Variants in PID1 observed in about 807,000 individuals in gnomAD.
PID1 encodes the protein PTB-containing, cubilin and LRP1-interacting protein.
In PID1, 10 loss-of-function variants were observed where a neutral mutation model predicts 19.1. The ratio of observed to expected loss-of-function variants is 0.52; its 90% CI spans 0.32 to 0.89. PID1 has a LOEUF of 0.89. Among genes scored for constraint, PID1 ranks in the 40% least tolerant of loss-of-function variants. The probability of loss-of-function intolerance (pLI) is 0.03; values close to 1 mark genes in which losing one functional copy is unlikely to be tolerated. For missense variants in PID1, 248 were observed against 285.3 expected (o/e 0.87, Z 0.94); for synonymous variants, 130 against 116.0 (o/e 1.12, Z -0.78).
intron 2 of PID1, among the ~76,000 whole-genome samples, chr2:229,036,806 C>T (rs1304296464): frequency 1.3e-5 from 2 of 152,186 alleles, no homozygotes; most frequent in Non-Finnish European, 2.9e-5. Flanking sequence ...TGTCCCATGG[C>T]TAGACTGGGA....
At chr2:229,269,643 C>A (rs552522913) in intron 1 of PID1, among the ~76,000 whole-genome samples, 4 of 152,324 alleles carry the variant, frequency 2.6e-5, no homozygotes, top group Admixed American at 6.5e-5. Flanking sequence ...ACTTCAAATG[C>A]GCCACTGGTA....
intron 2 of PID1, among the ~76,000 whole-genome samples, chr2:229,132,829 T>C (rs930818982): frequency 6.6e-6 from 1 of 152,232 alleles, no homozygotes; most frequent in South Asian, 2.1e-4. Context: ...ATGTATGCAC[T>C]GCACTGTAGA....
At chr2:229,125,029 A>G (rs979680217) in intron 2 of PID1, among the ~76,000 whole-genome samples, 1 of 152,182 alleles carries the variant, frequency 6.6e-6, no homozygotes, top group South Asian at 2.1e-4. Flanking sequence ...AATGTGTATG[A>G]CTATTTACCA....
intron 2 of PID1, among the ~76,000 whole-genome samples, chr2:229,030,774 T>A (rs540321585): frequency 1.2e-4 from 19 of 152,320 alleles, no homozygotes; most frequent in Middle Eastern, 3.4e-3. Flanking sequence ...TTTATAAATA[T>A]GTATTACCTA....
intron 1 of PID1, among the ~76,000 whole-genome samples, chr2:229,252,455 C>A (rs1316270443): frequency 6.6e-6 from 1 of 152,086 alleles, no homozygotes; most frequent in Non-Finnish European, 1.5e-5. Flanking sequence ...ACATCCTTTC[C>A]AGTGCAGAGC....
chr2:229,138,654 C>A (rs901045399), intron 2 of PID1, among the ~76,000 whole-genome samples: 1 of 152,016 alleles, frequency 6.6e-6, no homozygotes, highest in Non-Finnish European at 1.5e-5. Flanking sequence ...TCTTCATTCC[C>A]AACATATCTG....
intron 2 of PID1, among the ~76,000 whole-genome samples, chr2:229,095,950 A>G (rs1298971041): frequency 6.6e-6 from 1 of 152,178 alleles, no homozygotes; most frequent in East Asian, 1.9e-4. Flanking sequence ...CTTTGCACCA[A>G]TGCAGGAGAA....
chr2:229,026,695 A>G (rs1025064018), intron 2 of PID1, among the ~76,000 whole-genome samples: 2 of 152,228 alleles, frequency 1.3e-5, no homozygotes, highest in Non-Finnish European at 2.9e-5. Flanking sequence ...TTTTAAAAAT[A>G]ACAGCAGTGC....
rs1395993998 is a variant in PID1 at position 229,025,435 on chromosome 2, C to G, written c.*197G>C. On this transcript the variant is annotated 3_prime_UTR_variant, in exon 3 of 3. Coordinates refer to ENST00000392055, the MANE Select transcript of PID1 (RefSeq NM_001100818.2). ...ACTCCCACCCTCCTCACAGTCACAG[C>G]AGCAGCAGGTTTCAATGTAACGTAA... 1 of 584,732 alleles carries G rather than the reference C, an allele frequency of 1.7e-6. No homozygotes were observed. The highest frequency in any genetic ancestry group is 3.0e-6 in the Non-Finnish European group (1 of 328,048). The allele number at this position is 584,732 out of a possible 1,614,324, so 36.2% of individuals were successfully genotyped here.
At chr2:229,223,669 T>G (rs1331853725) in intron 1 of PID1, among the ~76,000 whole-genome samples, 1 of 152,262 alleles carries the variant, frequency 6.6e-6, no homozygotes, top group East Asian at 1.9e-4. Context: ...GCTACAACAC[T>G]GTCTGCCATG....
At chr2:229,064,851 T>G (rs1311648912) in intron 2 of PID1, among the ~76,000 whole-genome samples, 1 of 152,116 alleles carries the variant, frequency 6.6e-6, no homozygotes, top group African/African-American at 2.4e-5. Flanking sequence ...CGGATGCTGA[T>G]GCCAAAGAGA....
intron 2 of PID1, among the ~76,000 whole-genome samples, chr2:229,120,380 C>A (rs1695492497): frequency 6.6e-6 from 1 of 151,948 alleles, no homozygotes; most frequent in Non-Finnish European, 1.5e-5. Flanking sequence ...ATTAAAAAAT[C>A]ATAAGGAAGA....
At chr2:229,181,819 C>CT (rs1690952577) in intron 1 of PID1, among the ~76,000 whole-genome samples, 1 of 152,206 alleles carries the variant, frequency 6.6e-6, no homozygotes, top group Admixed American at 6.5e-5. Flanking sequence ...GAACAGATTA[C>CT]TTTTTTGTAA....
intron 2 of PID1, among the ~76,000 whole-genome samples, chr2:229,033,172 T>G (rs1693591579): frequency 6.6e-6 from 1 of 152,154 alleles, no homozygotes. Context: ...CACCTCACGC[T>G]AGACTGGAGA....
At chr2:229,098,084 C>G (rs545937915) in intron 2 of PID1, among the ~76,000 whole-genome samples, 11 of 152,178 alleles carry the variant, frequency 7.2e-5, no homozygotes, top group Admixed American at 3.3e-4. Flanking sequence ...GAGCCTATGC[C>G]ATAGAGCATT....
At chr2:229,160,441 C>T (rs1454258309) in intron 1 of PID1, among the ~76,000 whole-genome samples, 14 of 152,156 alleles carry the variant, frequency 9.2e-5, no homozygotes, top group Non-Finnish European at 1.5e-5. Context: ...TATTGTGCAA[C>T]CTCAGCTACC....
At chr2:229,080,360 A>G (rs1384147637) in intron 2 of PID1, among the ~76,000 whole-genome samples, 3 of 151,948 alleles carry the variant, frequency 2.0e-5, no homozygotes, top group African/African-American at 7.3e-5. Context: ...CTGAGTCAAC[A>G]CATCCTTACA....
chr2:229,209,506 G>A (rs1421138719), intron 1 of PID1, among the ~76,000 whole-genome samples: 1 of 152,160 alleles, frequency 6.6e-6, no homozygotes, highest in African/African-American at 2.4e-5. Context: ...TGAGGCCACA[G>A]GGGCAGTGGA....
At chr2:229,059,324 A>C (rs546803029) in intron 2 of PID1, among the ~76,000 whole-genome samples, 54 of 152,314 alleles carry the variant, frequency 3.5e-4, no homozygotes, top group African/African-American at 1.0e-3. Context: ...AGAAAAACTA[A>C]AGCATCTTGA....
Sources: gnomAD v4.1 joint callset for allele counts (sites outside exome capture counted in the v4.1 genomes callset) on GRCh38, gnomAD v4.1.1 for gene constraint, MANE v1.5 for transcripts, NCBI Gene and HGNC (gene_info 2026-07-23, HGNC 2026-07-21) for gene names.